SYNPO2: variants seen among roughly 807,000 people sequenced by gnomAD.
SYNPO2 encodes the protein synaptopodin 2.
Under a neutral mutation model 85.0 loss-of-function variants are expected in SYNPO2, and 56 were observed. That is an observed-to-expected ratio of 0.66 (90% CI 0.53 to 0.82). SYNPO2 has a LOEUF of 0.82. SYNPO2 is among the 40% of genes least tolerant of loss of function. The pLI, the probability that SYNPO2 is intolerant of heterozygous loss-of-function variation, is 0.00. For synonymous variants in SYNPO2, 602 were observed against 591.1 expected (o/e 1.02, Z -0.27); for missense variants, 1,575 against 1,534.2 (o/e 1.03, Z -0.44).
At chr4:118,864,243 T>A (rs1333496190) in intron 1 of SYNPO2, among the ~76,000 whole-genome samples, 2 of 152,230 alleles carry the variant, frequency 1.3e-5, no homozygotes, top group East Asian at 3.8e-4. Context: ...TTGTTTAATT[T>A]CCATGTGTTT....
At chr4:118,885,524 G>A (rs2149111532), upstream of SYNPO2, among the ~76,000 whole-genome samples, 1 of 151,246 alleles carries the variant, frequency 6.6e-6, no homozygotes, top group East Asian at 1.9e-4. Context: ...CCAGGCTGGA[G>A]TGCAGTGGTA....
At chr4:118,968,852 C>T (rs1735413842) in intron 1 of SYNPO2, among the ~76,000 whole-genome samples, 1 of 152,186 alleles carries the variant, frequency 6.6e-6, no homozygotes, top group Admixed American at 6.5e-5. Context: ...TTTGAGCCCT[C>T]CTGCATTTTC....
At chr4:118,977,055 C>T (rs532385330) in intron 1 of SYNPO2, among the ~76,000 whole-genome samples, 7 of 152,236 alleles carry the variant, frequency 4.6e-5, no homozygotes, top group Non-Finnish European at 8.8e-5. Context: ...GCTCGCATTC[C>T]TCAGCCCTTG....
intron 1 of SYNPO2, among the ~76,000 whole-genome samples, chr4:118,863,613 A>G (rs1731650760): frequency 6.6e-6 from 1 of 150,544 alleles, no homozygotes; most frequent in South Asian, 2.1e-4. Context: ...TTTTTGTTTC[A>G]TTTATCTTTT....
chr4:118,955,805 A>G (rs2149144852), intron 1 of SYNPO2, among the ~76,000 whole-genome samples: 1 of 152,312 alleles, frequency 6.6e-6, no homozygotes, highest in East Asian at 1.9e-4. Flanking sequence ...GAGGTCAAGA[A>G]CAAGAGTGGG....
intron 1 of SYNPO2, among the ~76,000 whole-genome samples, chr4:119,022,643 A>C (rs1737771811): frequency 6.8e-6 from 1 of 146,210 alleles, no homozygotes; most frequent in Non-Finnish European, 1.5e-5. Context: ...GGCATCAGCC[A>C]CTGTGCCTGG....
chr4:119,019,222 G>T (rs1330717975), intron 1 of SYNPO2, among the ~76,000 whole-genome samples: 1 of 152,006 alleles, frequency 6.6e-6, no homozygotes, highest in South Asian at 2.1e-4. Flanking sequence ...ATGAAAATTA[G>T]CAAACCAAAA....
chr4:119,047,510 T>C (rs1280332102), intron 4 of SYNPO2, among the ~76,000 whole-genome samples: 1 of 152,230 alleles, frequency 6.6e-6, no homozygotes, highest in African/African-American at 2.4e-5. Flanking sequence ...ATTTTCTAGA[T>C]AAGAGAGTCC....
chr4:118,933,261 A>C (rs1234799066), intron 1 of SYNPO2, among the ~76,000 whole-genome samples: 1 of 152,220 alleles, frequency 6.6e-6, no homozygotes, highest in Non-Finnish European at 1.5e-5. Flanking sequence ...TATTTAGGGT[A>C]GTGCATCCTG....
intron 1 of SYNPO2, among the ~76,000 whole-genome samples, chr4:118,855,391 G>C (rs1421190295): frequency 6.6e-6 from 1 of 152,070 alleles, no homozygotes; most frequent in Non-Finnish European, 1.5e-5. Context: ...GAGGCAAAAA[G>C]ACAGTAATTG....
chr4:118,975,031 A>G (rs11098467), intron 1 of SYNPO2, among the ~76,000 whole-genome samples: 65,162 of 152,000 alleles, frequency 0.43, 14,222 homozygotes, highest in South Asian at 0.52. Context: ...TCTGGCATTC[A>G]AAACTCTTTT....
intron 1 of SYNPO2, among the ~76,000 whole-genome samples, chr4:118,978,908 A>G (rs959836326): frequency 1.3e-5 from 2 of 151,948 alleles, no homozygotes; most frequent in African/African-American, 4.8e-5. Flanking sequence ...GTTTTATCCT[A>G]TGTAGTGCCC....
At chr4:118,900,695 CTCTCTCTCTATATATATATA>C (rs1320206738) in intron 1 of SYNPO2, among the ~76,000 whole-genome samples, 634 of 41,938 alleles carry the variant, frequency 0.015, 5 homozygotes, top group South Asian at 0.031. Context: ...CTCTCTCTCT[CTCTCTCTCTATATATATATA>C]TATATATATA....
intron 1 of SYNPO2, among the ~76,000 whole-genome samples, chr4:119,016,665 C>T (rs1737538336): frequency 6.6e-6 from 1 of 152,176 alleles, no homozygotes; most frequent in Admixed American, 6.5e-5. Flanking sequence ...AGTAGACAGG[C>T]ACATGTCCTG....
At chr4:118,890,653 A>C (rs999478820) in intron 1 of SYNPO2, among the ~76,000 whole-genome samples, 2 of 146,422 alleles carry the variant, frequency 1.4e-5, no homozygotes, top group Non-Finnish European at 3.0e-5. Flanking sequence ...TCTAACTTGC[A>C]GCCTGGCCTT....
upstream of SYNPO2, among the ~76,000 whole-genome samples, chr4:118,888,363 G>T (rs548669746): frequency 6.6e-6 from 1 of 152,242 alleles, no homozygotes; most frequent in African/African-American, 2.4e-5. Flanking sequence ...TTAACAAAAA[G>T]TTTGTGCTTT....
intron 1 of SYNPO2, among the ~76,000 whole-genome samples, chr4:118,865,714 A>G (rs1731688681): frequency 6.6e-6 from 1 of 152,200 alleles, no homozygotes; most frequent in Non-Finnish European, 1.5e-5. Flanking sequence ...AAGGAGGGAG[A>G]TGAAAGAATA....
intron 1 of SYNPO2, among the ~76,000 whole-genome samples, chr4:118,896,959 T>TAA (rs58815664): frequency 1.3e-4 from 19 of 147,906 alleles, no homozygotes; most frequent in Non-Finnish European, 2.1e-4. Context: ...GCTGGATTGA[T>TAA]AAAAAAAAAA....
chr4:118,988,647 T>C (rs1195679300), intron 1 of SYNPO2, among the ~76,000 whole-genome samples: 1 of 152,230 alleles, frequency 6.6e-6, no homozygotes, highest in Non-Finnish European at 1.5e-5. Flanking sequence ...TATTAATAAA[T>C]GGCCACAGCT....
Sources: allele counts gnomAD v4.1 joint callset (sites outside exome capture counted in the v4.1 genomes callset), GRCh38; gene constraint gnomAD v4.1.1; transcripts MANE v1.5; gene names NCBI Gene and HGNC (gene_info 2026-07-23, HGNC 2026-07-21).